The following SLX9 variants were observed in gnomAD, a reference collection of about 807,000 sequenced individuals.
The protein encoded by SLX9 is SLX9 ribosome biogenesis factor, also known as ribosome biogenesis protein SLX9 homolog.
In SLX9, 19 loss-of-function variants were observed where a neutral mutation model predicts 20.8. That is an observed-to-expected ratio of 0.91 (90% confidence interval 0.64 to 1.34). The LOEUF (loss-of-function observed/expected upper bound fraction) is 1.34, where lower values mean the gene tolerates loss of function less well. SLX9 is among the 40% of genes most tolerant of loss of function. The probability of loss-of-function intolerance (pLI) is 0.00; values close to 1 mark genes in which losing one functional copy is unlikely to be tolerated. For synonymous variants in SLX9, 113 were observed against 137.1 expected, an observed-to-expected ratio of 0.82 and a Z score of 1.23; for missense variants, 299 against 322.2, an observed-to-expected ratio of 0.93 and a Z score of 0.55.
intron 2 of SLX9, among the ~76,000 whole-genome samples, chr21:44,946,465 G>GT (rs1260267499): frequency 6.6e-6 from 1 of 151,314 alleles, no homozygotes; most frequent in Non-Finnish European, 1.5e-5. Context: ...CAGGGTCAGG[G>GT]TTTTGGGTGT....
intron 2 of SLX9, among the ~76,000 whole-genome samples, chr21:44,953,168 A>G (rs952525400): frequency 1.3e-5 from 2 of 151,328 alleles, no homozygotes; most frequent in African/African-American, 2.4e-5. Context: ...CTCAGACACT[A>G]CTCCTCATGG....
At chr21:44,973,127 AGCCTCT>A in intron 4 of SLX9, 64 bp from the exon 5 acceptor site, 1 of 1,566,076 alleles carries the variant, frequency 6.4e-7, no homozygotes, top group South Asian at 1.1e-5. Context: ...GGGAGGAGCC[AGCCTCT>A]GCCCACGGGA....
At chr21:44,967,853 CGGTTGCT>C (rs1276750456) in intron 4 of SLX9, among the ~76,000 whole-genome samples, 1 of 152,184 alleles carries the variant, frequency 6.6e-6, no homozygotes, top group East Asian at 1.9e-4. Context: ...GATGTGAGTG[CGGTTGCT>C]CTCCCGAGCT....
intron 3 of SLX9, among the ~76,000 whole-genome samples, chr21:44,963,714 A>G (rs1182518914): frequency 6.6e-6 from 1 of 152,156 alleles, no homozygotes; most frequent in African/African-American, 2.4e-5. Flanking sequence ...AAAAATCAGA[A>G]AGTCTCATAA....
At chr21:44,940,003 C>A, upstream of SLX9, 1 of 1,374,836 alleles carries the variant, frequency 7.3e-7, no homozygotes, top group Non-Finnish European at 9.4e-7. Flanking sequence ...GCGGCGAGAA[C>A]GCAGGACCAG....
intron 1 of SLX9, among the ~76,000 whole-genome samples, chr21:44,941,519 C>A (rs1023445014): frequency 1.3e-5 from 2 of 151,974 alleles, no homozygotes; most frequent in South Asian, 4.2e-4. Context: ...AAGCTCCTCA[C>A]TGGTCAGCAA....
intron 4 of SLX9, 156 bp from the exon 5 acceptor site, chr21:44,973,041 G>A: frequency 6.4e-6 from 5 of 778,268 alleles, no homozygotes; most frequent in South Asian, 1.7e-5. Context: ...CGCCTCCATG[G>A]CCACAGTGCA....
At chr21:44,951,732 T>C (rs527445906) in intron 2 of SLX9, among the ~76,000 whole-genome samples, 3 of 152,200 alleles carry the variant, frequency 2.0e-5, no homozygotes, top group African/African-American at 7.2e-5. Context: ...GTGGGCACCA[T>C]CTCTCGCCTA....
intron 2 of SLX9, among the ~76,000 whole-genome samples, chr21:44,945,236 C>T (rs1327799887): frequency 6.6e-6 from 1 of 152,212 alleles, no homozygotes; most frequent in Non-Finnish European, 1.5e-5. Flanking sequence ...TCCTTCTCTC[C>T]AAGGAGGACC....
At chr21:44,946,310 G>C (rs201688384) in intron 2 of SLX9, among the ~76,000 whole-genome samples, 1 of 152,192 alleles carries the variant, frequency 6.6e-6, no homozygotes, top group East Asian at 1.9e-4. Flanking sequence ...TGACGGGACT[G>C]TAGCGTGGCC....
At chr21:44,951,731 A>G (rs907183893) in intron 2 of SLX9, among the ~76,000 whole-genome samples, 12 of 152,114 alleles carry the variant, frequency 7.9e-5, no homozygotes, top group Non-Finnish European at 1.8e-4. Context: ...TGTGGGCACC[A>G]TCTCTCGCCT....
At chr21:44,959,222 G>A (rs1486365394) in intron 2 of SLX9, 3 of 985,316 alleles carry the variant, frequency 3.0e-6, no homozygotes, top group Non-Finnish European at 3.6e-6. Flanking sequence ...TTTTTCATTA[G>A]ACATGGTGGA....
chr21:44,943,962 GC>G, intron 2 of SLX9, 125 bp downstream of exon 2: 1 of 1,339,896 alleles, frequency 7.5e-7, no homozygotes, highest in Non-Finnish European at 1.0e-6. Context: ...AGCAAGGGAT[GC>G]CCCTGGCTGT....
chr21:44,942,602 C>A (rs1332161014), intron 1 of SLX9, among the ~76,000 whole-genome samples: 1 of 152,136 alleles, frequency 6.6e-6, no homozygotes, highest in Non-Finnish European at 1.5e-5. Context: ...TTAGGTTGGG[C>A]CTGAGATTTA....
At chr21:44,940,313 C>T in intron 1 of SLX9, 127 bp downstream of exon 1, 3 of 1,162,302 alleles carry the variant, frequency 2.6e-6, no homozygotes, top group Non-Finnish European at 3.2e-6. Context: ...ATTTGCTGCG[C>T]TACAGACGCG....
intron 2 of SLX9, chr21:44,959,192 C>A: frequency 1.0e-6 from 1 of 985,348 alleles, no homozygotes; most frequent in Non-Finnish European, 1.2e-6. Flanking sequence ...TTTCTCCAGG[C>A]AGGGCTTGCT....
chr21:44,969,232 C>T (rs73906984), intron 4 of SLX9: 16,872 of 469,268 alleles, frequency 0.036, 2,301 homozygotes, highest in African/African-American at 0.3. Context: ...CATCCCGCGG[C>T]GGAGGCACCA....
chr21:44,960,081 C>G lies in SLX9; in HGVS notation c.284-19C>G. The G allele has an allele frequency of 2.5e-6, 4 of 1,613,802 alleles. No homozygotes were observed. The highest frequency in any genetic ancestry group is 3.4e-6 in the Non-Finnish European group (4 of 1,179,672). ...CCACCTGGACACGTTTTGCTCACTC[C>G]CGTGTTCTCTTTCCTCAGGTGCAGA... On this transcript the variant is annotated intron_variant, in intron 2 of 5. Transcript: ENST00000291634.
chr21:44,965,460 G>A (rs1397058082), intron 3 of SLX9, among the ~76,000 whole-genome samples: 1 of 152,172 alleles, frequency 6.6e-6, no homozygotes, highest in South Asian at 2.1e-4. Flanking sequence ...CTAATGTTTT[G>A]CCCTGAAATG....
Sources: gnomAD v4.1 joint callset for allele counts (sites outside exome capture counted in the v4.1 genomes callset) on GRCh38, gnomAD v4.1.1 for gene constraint, MANE v1.5 for transcripts, NCBI Gene and HGNC (gene_info 2026-07-23, HGNC 2026-07-21) for gene names.